The following TYR variants were observed in gnomAD, a reference collection of about 807,000 sequenced individuals.
TYR encodes the protein tyrosinase, also known as LB24-AB.
Under a neutral mutation model 51.5 loss-of-function variants are expected in TYR, and 58 were observed. That is an observed-to-expected ratio of 1.13 (90% CI 0.91 to 1.40). The LOEUF (loss-of-function observed/expected upper bound fraction) is 1.40. Among genes scored for constraint, TYR ranks in the 40% most tolerant of loss-of-function variants. The pLI, the probability that TYR is intolerant of heterozygous loss-of-function variation, is 0.00. For missense variants in TYR, 732 were observed against 647.4 expected (o/e 1.13, Z -1.42); for synonymous variants, 263 against 235.2 (o/e 1.12, Z -1.08).
chr11:89,229,589 A>G (rs558452790), intron 3 of TYR, among the ~76,000 whole-genome samples: 1 of 152,024 alleles, frequency 6.6e-6, no homozygotes, highest in Admixed American at 6.6e-5. Flanking sequence ...AACTATCAAA[A>G]TATGAAAGGA....
chr11:89,236,524 C>G lies in TYR; in HGVS notation c.1184+8554C>G, dbSNP rs573390429. Among the ~76,000 whole-genome samples the G allele has an allele frequency of 2.2e-4, 33 of 152,086 alleles. 1 individual carries two copies. The highest frequency in any genetic ancestry group is 3.7e-4 in the Non-Finnish European group (25 of 67,970). ...AGCAAAGATCAAGGTAATTTCTGAG[C>G]CTTTGTAACAAAGCTGATGAAGATT... On this transcript the variant is annotated intron_variant, in intron 3 of 4. Transcript: ENST00000263321.
At chr11:89,194,045 C>G in intron 2 of TYR, among the ~76,000 whole-genome samples, 1 of 152,158 alleles carries the variant, frequency 6.6e-6, no homozygotes, top group East Asian at 1.9e-4. Flanking sequence ...TTTATCAAAT[C>G]TACTGTATAT....
intron 2 of TYR, among the ~76,000 whole-genome samples, chr11:89,192,320 A>C (rs1943457269): frequency 6.6e-6 from 1 of 152,128 alleles, no homozygotes; most frequent in Non-Finnish European, 1.5e-5. Flanking sequence ...AACAAACAAA[A>C]AAAAACTCAA....
At chr11:89,199,395 A>G (rs1041685334) in intron 2 of TYR, among the ~76,000 whole-genome samples, 1 of 152,178 alleles carries the variant, frequency 6.6e-6, no homozygotes, top group Admixed American at 6.6e-5. Context: ...AAGTGAATTT[A>G]TGTAAGCCTT....
At chr11:89,245,820 G>A (rs1944259304) in intron 3 of TYR, among the ~76,000 whole-genome samples, 1 of 151,990 alleles carries the variant, frequency 6.6e-6, no homozygotes, top group African/African-American at 2.4e-5. Flanking sequence ...TACTTGGGAG[G>A]CTGAGGCAGG....
rs61754392 is a variant in TYR at position 89,284,843 on chromosome 11, G to A, written c.1255G>A (p.Gly419Arg). The A allele has an allele frequency of 4.1e-5, 66 of 1,611,844 alleles. No individual in the cohort carries two copies. In the South Asian group the frequency reaches 5.3e-4, roughly 13 times the overall value. ...EVYPEANAPI[G>R]HNRESYMVPF... ...TTATCCAGAAGCCAATGCACCCATT[G>A]GACATAACCGGGAATCCTACATGGT... The change falls in exon 4 of 5, where the codon GGA becomes AGA. Residue 419 changes from glycine to arginine, a missense_variant. Gly to Arg is a moderately radical substitution (Grantham distance 125). Coordinates refer to ENST00000263321, the MANE Select transcript of TYR (RefSeq NM_000372.5).
intron 2 of TYR, among the ~76,000 whole-genome samples, chr11:89,212,531 C>A (rs1943773151): frequency 6.6e-6 from 1 of 152,022 alleles, no homozygotes; most frequent in African/African-American, 2.4e-5. Flanking sequence ...GGTACCATTC[C>A]TTCTGAAAAT....
At chr11:89,281,800 A>T (rs947022856) in intron 3 of TYR, among the ~76,000 whole-genome samples, 5 of 151,822 alleles carry the variant, frequency 3.3e-5, no homozygotes, top group Admixed American at 6.6e-5. Flanking sequence ...TATAAAACAC[A>T]TCTTTCCATA....
chr11:89,225,135 T>C (rs567736596), intron 2 of TYR, among the ~76,000 whole-genome samples: 1 of 152,084 alleles, frequency 6.6e-6, no homozygotes, highest in Non-Finnish European at 1.5e-5. Context: ...AGGCTACTTA[T>C]TCTTTTCCCT....
At chr11:89,269,237 CAGTAATTCCTACTGAAAGCCAAGTT>C (rs1437239916) in intron 3 of TYR, among the ~76,000 whole-genome samples, 1 of 151,968 alleles carries the variant, frequency 6.6e-6, no homozygotes, top group Non-Finnish European at 1.5e-5. Context: ...GAAGGCCCAT[CAGTAATTCCTACTGAAAGCCAAGTT>C]AATAGCAGAC....
intron 3 of TYR, among the ~76,000 whole-genome samples, chr11:89,264,734 C>T (rs1401979339): frequency 7.7e-6 from 1 of 129,820 alleles, no homozygotes; most frequent in Non-Finnish European, 1.5e-5. Context: ...TACTATGCAG[C>T]CAAAAAAAAA....
intron 3 of TYR, among the ~76,000 whole-genome samples, chr11:89,271,295 A>G (rs547902852): frequency 5.9e-5 from 9 of 151,876 alleles, no homozygotes; most frequent in Non-Finnish European, 1.2e-4. Flanking sequence ...TAACTCTAAG[A>G]TATGGAAGGT....
At chr11:89,285,853 T>C (rs1183303364) in intron 4 of TYR, among the ~76,000 whole-genome samples, 1 of 151,838 alleles carries the variant, frequency 6.6e-6, no homozygotes. Context: ...TGAGGGTTAA[T>C]TATCAAAAAC....
chr11:89,239,600 T>C (rs953444835), intron 3 of TYR, among the ~76,000 whole-genome samples: 4 of 152,120 alleles, frequency 2.6e-5, no homozygotes, highest in Middle Eastern at 3.2e-3. Flanking sequence ...AGGCATAGTT[T>C]GACCTTTATT....
intron 3 of TYR, among the ~76,000 whole-genome samples, chr11:89,261,132 A>G (rs7111110): frequency 0.029 from 4,418 of 152,248 alleles, 238 homozygotes; most frequent in African/African-American, 0.1. Flanking sequence ...TATTCAACAC[A>G]AAAGAAGGCA....
intron 1 of TYR, among the ~76,000 whole-genome samples, chr11:89,181,087 A>G (rs555428459): frequency 1.5e-3 from 225 of 152,106 alleles, no homozygotes; most frequent in Non-Finnish European, 2.1e-3. Context: ...CAATCTCCAT[A>G]CGCTGCAACT....
At chr11:89,266,457 A>G (rs1340446014) in intron 3 of TYR, among the ~76,000 whole-genome samples, 1 of 151,734 alleles carries the variant, frequency 6.6e-6, no homozygotes, top group Non-Finnish European at 1.5e-5. Flanking sequence ...TTTTTCTTAC[A>G]TTTAGTATGG....
chr11:89,225,882 G>T (rs1943969537), intron 2 of TYR, among the ~76,000 whole-genome samples: 1 of 151,894 alleles, frequency 6.6e-6, no homozygotes, highest in South Asian at 2.1e-4. Flanking sequence ...AAAGATAAAT[G>T]ATCGAGGTGA....
chr11:89,188,888 G>A (rs1943408502), intron 1 of TYR, among the ~76,000 whole-genome samples: 1 of 151,928 alleles, frequency 6.6e-6, no homozygotes, highest in African/African-American at 2.4e-5. Flanking sequence ...GGAAAGATCA[G>A]TAGGAAATAA....
Sources: gnomAD v4.1 joint callset for allele counts (sites outside exome capture counted in the v4.1 genomes callset) on GRCh38, gnomAD v4.1.1 for gene constraint, MANE v1.5 for transcripts, NCBI Gene and HGNC (gene_info 2026-07-23, HGNC 2026-07-21) for gene names.